The following PTPRR variants were observed in gnomAD, a reference collection of about 807,000 sequenced individuals.
The protein encoded by PTPRR is protein tyrosine phosphatase receptor type R, also known as receptor-type tyrosine-protein phosphatase R.
PTPRR carries 38 observed loss-of-function variants against 77.2 expected under a neutral mutation model. The ratio of observed to expected loss-of-function variants is 0.49; its 90% confidence interval spans 0.38 to 0.65. PTPRR has a LOEUF of 0.65. Among genes scored for constraint, PTPRR ranks in the 30% least tolerant of loss-of-function variants. The probability of loss-of-function intolerance (pLI) is 0.00; values close to 1 mark genes in which losing one functional copy is unlikely to be tolerated. For missense variants in PTPRR, 744 were observed against 799.2 expected (o/e 0.93, Z 0.83); for synonymous variants, 299 against 283.1 (o/e 1.06, Z -0.57).
At chr12:70,684,025 G>A in intron 10 of PTPRR, 102 bp downstream of exon 10, 1 of 1,273,554 alleles carries the variant, frequency 7.9e-7, no homozygotes, top group South Asian at 1.5e-5. Context: ...ATGTCTCAGA[G>A]TTTCCATCTT....
At chr12:70,655,497 T>C (rs1470195471) in intron 13 of PTPRR, among the ~76,000 whole-genome samples, 1 of 152,246 alleles carries the variant, frequency 6.6e-6, no homozygotes, top group Non-Finnish European at 1.5e-5. Flanking sequence ...GCAACTGAAG[T>C]CTTCATCAAT....
chr12:70,719,330 G>A (rs190550625), intron 6 of PTPRR, among the ~76,000 whole-genome samples: 1 of 152,120 alleles, frequency 6.6e-6, no homozygotes, highest in East Asian at 1.9e-4. Context: ...AGGATTACGG[G>A]AACCCAAAGT....
At position 70,730,421 on chromosome 12, in the gene PTPRR, G is replaced by C. The variant is rs141431173; in HGVS notation, c.1007+15397C>G. Among the ~76,000 whole-genome samples the C allele has an allele frequency of 2.0e-3, 305 of 152,216 alleles. 1 individual carries two copies. The highest frequency in any genetic ancestry group is 7.0e-3 in the African/African-American group (291 of 41,538). On this transcript the variant is annotated intron_variant, in intron 6 of 13. Transcript: ENST00000283228. ...AGCTACTTGGGAGACTGAGGCAGGA[G>C]AATAGCTTGGACCCTGGAGGAGGAG...
chr12:70,781,495 A>G (rs1160808976), intron 2 of PTPRR, among the ~76,000 whole-genome samples: 5 of 152,230 alleles, frequency 3.3e-5, no homozygotes, highest in African/African-American at 1.2e-4. Flanking sequence ...TTGGGAGGGC[A>G]TGTGATCCTC....
At chr12:70,668,600 T>A (rs1887100411) in intron 10 of PTPRR, among the ~76,000 whole-genome samples, 1 of 152,184 alleles carries the variant, frequency 6.6e-6, no homozygotes, top group Non-Finnish European at 1.5e-5. Context: ...CACTTAACAT[T>A]TTCTTATTAG....
At chr12:70,904,789 G>C (rs1893595665) in intron 1 of PTPRR, among the ~76,000 whole-genome samples, 1 of 151,822 alleles carries the variant, frequency 6.6e-6, no homozygotes, top group Admixed American at 6.6e-5. Flanking sequence ...TTTATAAAAA[G>C]TAGTTTCAGT....
At position 70,789,055 on chromosome 12, in the gene PTPRR, G is replaced by A. The variant is rs1891379508; in HGVS notation, c.358-24277C>T. On this transcript the variant is annotated intron_variant, in intron 2 of 13. Transcript: ENST00000283228. ...CCAAGAGATATCCCAGGTGCTTGCT[G>A]TTTCAACAGTTTACTAGAATTGAAA... The A allele has an allele frequency of 8.7e-6, 4 of 462,306 alleles. No homozygotes were observed. The East Asian group carries it at 1.1e-4, about 12-fold the overall frequency. The allele number at this position is 462,306 out of a possible 1,614,324, so 28.6% of individuals were successfully genotyped here.
At position 70,662,616 on chromosome 12, in the gene PTPRR, G is replaced by T. The variant is rs757137746; in HGVS notation, c.1498-11C>A. 2.6e-6 allele frequency: 4 copies of T among 1,529,404 alleles called. No individual in the cohort carries two copies. The highest frequency in any genetic ancestry group is 1.7e-4 in the Middle Eastern group (1 of 5,868). 94.7% of individuals were successfully genotyped at this position (1,529,404 alleles called of 1,614,324 possible). The stretch of plus-strand genomic sequence containing the variant: ...GTATAGCACACATTTCTGGAGGAAG[G>T]GAAAGAGAATACAGCAAATATTAAT... On this transcript the variant is annotated splice_polypyrimidine_tract_variant and intron_variant, in intron 10 of 13. Coordinates refer to ENST00000283228, the MANE Select transcript of PTPRR (RefSeq NM_002849.4).
intron 13 of PTPRR, among the ~76,000 whole-genome samples, chr12:70,655,761 T>C (rs1029264579): frequency 6.6e-6 from 1 of 152,212 alleles, no homozygotes; most frequent in Non-Finnish European, 1.5e-5. Context: ...GGGAGTTTTT[T>C]AATGGATACT....
chr12:70,769,235 C>T (rs1439166942), intron 2 of PTPRR, among the ~76,000 whole-genome samples: 20 of 149,596 alleles, frequency 1.3e-4, no homozygotes, highest in Admixed American at 3.3e-4. Flanking sequence ...TGTTTGCAGA[C>T]GACGTGATTG....
intron 2 of PTPRR, among the ~76,000 whole-genome samples, chr12:70,857,350 T>C (rs10506611): frequency 0.47 from 71,845 of 151,776 alleles, 17,689 homozygotes; most frequent in East Asian, 0.61. Context: ...GAAGCGAACA[T>C]TTAACTGTCA....
chr12:70,726,638 T>C (rs1889448945), intron 6 of PTPRR, among the ~76,000 whole-genome samples: 1 of 151,582 alleles, frequency 6.6e-6, no homozygotes, highest in Non-Finnish European at 1.5e-5. Flanking sequence ...TGGAGTGCAG[T>C]GGCGTGATCA....
At chr12:70,812,867 A>G (rs1351776026) in intron 2 of PTPRR, among the ~76,000 whole-genome samples, 2 of 152,246 alleles carry the variant, frequency 1.3e-5, no homozygotes, top group Non-Finnish European at 2.9e-5. Flanking sequence ...AGTCAGAAAC[A>G]GGAAAATTGT....
At chr12:70,794,344 T>C (rs538835980) in intron 2 of PTPRR, among the ~76,000 whole-genome samples, 4 of 152,096 alleles carry the variant, frequency 2.6e-5, no homozygotes, top group African/African-American at 9.7e-5. Context: ...GAGCTAGAAA[T>C]AGTGATGTGT....
At chr12:70,899,484 A>T (rs1893493001) in intron 1 of PTPRR, among the ~76,000 whole-genome samples, 1 of 151,450 alleles carries the variant, frequency 6.6e-6, no homozygotes, top group South Asian at 2.1e-4. Context: ...AGTCATACTA[A>T]TTGGTGGAAA....
chr12:70,831,107 A>G (rs1892204057), intron 2 of PTPRR, among the ~76,000 whole-genome samples: 1 of 152,218 alleles, frequency 6.6e-6, no homozygotes, highest in Non-Finnish European at 1.5e-5. Flanking sequence ...GAGAGCTTAC[A>G]TAACATGCTT....
At chr12:70,672,088 C>G (rs573342740) in intron 10 of PTPRR, 6 of 1,372,774 alleles carry the variant, frequency 4.4e-6, no homozygotes, top group African/African-American at 2.8e-5. Context: ...ACCTCAATGC[C>G]TTTGACTCTA....
intron 2 of PTPRR, among the ~76,000 whole-genome samples, chr12:70,887,350 G>T (rs909644738): frequency 6.6e-6 from 1 of 152,050 alleles, no homozygotes; most frequent in African/African-American, 2.4e-5. Flanking sequence ...TACTTGAGAG[G>T]CTGAGGCAGG....
chr12:70,810,244 A>G lies in PTPRR; in HGVS notation c.358-45466T>C, dbSNP rs55927015. On this transcript the variant is annotated intron_variant, in intron 2 of 13. Coordinates refer to ENST00000283228, the MANE Select transcript of PTPRR (RefSeq NM_002849.4). ...AAACCTCAGCTAAAATTAATAAGCAATTGGTGCAGTTGAATGGGATGATTC... is the reference window on the plus strand; with the variant it reads ...AAACCTCAGCTAAAATTAATAAGCAGTTGGTGCAGTTGAATGGGATGATTC... Among the ~76,000 whole-genome samples, 1,172 of 152,306 alleles carry G rather than the reference A, an allele frequency of 7.7e-3. 16 individuals carry two copies. The highest frequency in any genetic ancestry group is 0.026 in the African/African-American group (1,098 of 41,578).
Sources: gnomAD v4.1 joint callset for allele counts (sites outside exome capture counted in the v4.1 genomes callset) on GRCh38, gnomAD v4.1.1 for gene constraint, MANE v1.5 for transcripts, NCBI Gene and HGNC (gene_info 2026-07-23, HGNC 2026-07-21) for gene names.